Variants in DNAJC11 observed in about 807,000 individuals in gnomAD.
The protein encoded by DNAJC11 is dnaJ homolog subfamily C member 11.
A neutral mutation model predicts 78.6 loss-of-function variants in DNAJC11; 15 were observed. That is an observed-to-expected ratio of 0.19 (90% CI 0.13 to 0.29). The LOEUF is 0.29. DNAJC11 is among the 10% of genes least tolerant of loss of function. The probability of loss-of-function intolerance (pLI) is 1.00; values close to 1 mark genes in which losing one functional copy is unlikely to be tolerated. For synonymous variants in DNAJC11, 292 were observed against 272.1 expected, an observed-to-expected ratio of 1.07 and a Z score of -0.72; for missense variants, 547 against 709.6, an observed-to-expected ratio of 0.77 and a Z score of 2.60.
In DNAJC11 at chr1:6,691,249, T is replaced by C. The variant is rs543602111; in HGVS notation, c.73-10212A>G. 2.8e-5 allele frequency among the ~76,000 whole-genome samples: 4 copies of C among 143,132 alleles called. No individual in the cohort carries two copies. In the East Asian group the frequency reaches 6.3e-4, roughly 22 times the overall value. The allele number at this position is 143,132 out of a possible 152,430, so 93.9% of individuals were successfully genotyped here. On this transcript the variant is annotated intron_variant, in intron 1 of 15. Transcript: ENST00000377577. ...TAAGGTTTACGGGGCAGAGAAGGAA[T>C]CAGGTCTTGCAGCACACATCTCGGC... is the stretch of plus-strand genomic sequence containing the variant.
At chr1:6,664,343 C>T (rs1333668309) in intron 4 of DNAJC11, among the ~76,000 whole-genome samples, 2 of 151,870 alleles carry the variant, frequency 1.3e-5, no homozygotes, top group East Asian at 3.9e-4. Flanking sequence ...GGGTTCACGC[C>T]ATTCTCCTAC....
chr1:6,637,925 A>G, intron 12 of DNAJC11: 1 of 386,544 alleles, frequency 2.6e-6, no homozygotes, highest in Non-Finnish European at 4.7e-6. Context: ...TGCTGGGCAT[A>G]GCTGTGCCGC....
intron 1 of DNAJC11, among the ~76,000 whole-genome samples, chr1:6,694,316 T>G (rs1000714584): frequency 6.6e-6 from 1 of 152,152 alleles, no homozygotes; most frequent in Non-Finnish European, 1.5e-5. Flanking sequence ...GACAGTGGAT[T>G]TGCAGACCAA....
chr1:6,663,189 C>T (rs530257094), intron 4 of DNAJC11, among the ~76,000 whole-genome samples: 52 of 152,182 alleles, frequency 3.4e-4, no homozygotes, highest in African/African-American at 1.2e-3. Context: ...TCTGTAATAG[C>T]AAAAATGGCC....
At chr1:6,636,076 C>T (rs771886073) in intron 15 of DNAJC11, 41 bp downstream of exon 15, 15 of 1,589,640 alleles carry the variant, frequency 9.4e-6, no homozygotes, top group South Asian at 9.1e-5. Flanking sequence ...TCGAGGTCCC[C>T]GCCCCCGTTA....
At chr1:6,670,394 A>G (rs961862795) in intron 3 of DNAJC11, 2 of 152,044 alleles carry the variant, frequency 1.3e-5, no homozygotes, top group African/African-American at 4.8e-5. Context: ...TTATGTACCT[A>G]CGTATGTGCG....
At chr1:6,642,340 G>C (rs998507272) in intron 10 of DNAJC11, among the ~76,000 whole-genome samples, 1 of 152,238 alleles carries the variant, frequency 6.6e-6, no homozygotes, top group African/African-American at 2.4e-5. Context: ...GACAGGTTCC[G>C]TGGGGAGGGT....
At chr1:6,655,380 G>A (rs6577585) in intron 4 of DNAJC11, among the ~76,000 whole-genome samples, 54,208 of 152,066 alleles carry the variant, frequency 0.36, 9,990 homozygotes, top group African/African-American at 0.42. Context: ...GCATAATTGT[G>A]TCAAAACAAG....
chr1:6,637,470 A>G lies in DNAJC11; in HGVS notation c.1358T>C (p.Ile453Thr), dbSNP rs200927563. ...RLMQESVRRI[I>T]EAEESRMGLI... ...ACCCATTCTGGACTCTTCTGCCTCA[A>G]TTATCCTTCGGACAGATTCCTGCAT... The change falls in exon 13 of 16, where the codon ATT (isoleucine) becomes ACT (threonine). Residue 453 changes from isoleucine (I) to threonine (T), a missense_variant. Physicochemically the swap from Ile to Thr is moderately conservative, Grantham distance 89 (BLOSUM62 -1). Coordinates refer to ENST00000377577, the MANE Select transcript of DNAJC11 (RefSeq NM_018198.4). 2.6e-4 allele frequency: 418 copies of G among 1,614,192 alleles called. 1 individual carries two copies. Among genetic ancestry groups the G allele is most frequent in the Admixed American group, 1.1e-3 (69 of 60,024 alleles).
At chr1:6,644,410 A>T in intron 10 of DNAJC11, 148 bp downstream of exon 10, 1 of 661,938 alleles carries the variant, frequency 1.5e-6, no homozygotes, top group Non-Finnish European at 2.7e-6. Context: ...CTGGGATTAC[A>T]GGCATAAGCC....
rs777156643 is a variant in DNAJC11 at position 6,635,636 on chromosome 1, GATT to G, written c.*36_*38del. On this transcript the variant is annotated 3_prime_UTR_variant, in exon 16 of 16. Transcript: ENST00000377577. ...CCAAATTTGTAGACTCCCAGGAAAA[GATT>G]TTTTGCGGCCTTTTAAAAATCTGGT... 6.2e-7 allele frequency: 1 copy of G among 1,611,708 alleles called. No homozygotes were observed. The highest frequency in any genetic ancestry group is 8.5e-7 in the Non-Finnish European group (1 of 1,178,732).
chr1:6,691,964 A>G (rs1642753120), intron 1 of DNAJC11, among the ~76,000 whole-genome samples: 1 of 152,144 alleles, frequency 6.6e-6, no homozygotes, highest in Admixed American at 6.5e-5. Flanking sequence ...CAAAGGTGTA[A>G]GTAAGTAAAA....
At chr1:6,686,936 A>G in intron 1 of DNAJC11, among the ~76,000 whole-genome samples, 1 of 152,192 alleles carries the variant, frequency 6.6e-6, no homozygotes, top group Admixed American at 6.5e-5. Flanking sequence ...TCCACAAACT[A>G]TATTCTACTG....
At chr1:6,673,453 TGAGGAGGGTTAAGC>T (rs983833805) in intron 3 of DNAJC11, among the ~76,000 whole-genome samples, 11 of 152,108 alleles carry the variant, frequency 7.2e-5, no homozygotes, top group African/African-American at 2.4e-4. Flanking sequence ...TGCTATAAAA[TGAGGAGGGTTAAGC>T]GACATCATTT....
At chr1:6,640,154 G>A in intron 10 of DNAJC11, 97 bp from the exon 11 acceptor site, 1 of 1,379,998 alleles carries the variant, frequency 7.2e-7, no homozygotes. Flanking sequence ...GAGAACTTGT[G>A]CTGCGTGCAG....
At chr1:6,658,580 G>A (rs1163921277) in intron 4 of DNAJC11, among the ~76,000 whole-genome samples, 1 of 151,864 alleles carries the variant, frequency 6.6e-6, no homozygotes, top group Non-Finnish European at 1.5e-5. Flanking sequence ...GAGCGGCAGG[G>A]CTTTTCTTTA....
At chr1:6,673,607 G>C (rs1642415562) in intron 3 of DNAJC11, among the ~76,000 whole-genome samples, 2 of 152,150 alleles carry the variant, frequency 1.3e-5, no homozygotes, top group Non-Finnish European at 2.9e-5. Context: ...CCCAATGTTA[G>C]CACCTTTTAT....
intron 7 of DNAJC11, among the ~76,000 whole-genome samples, chr1:6,648,522 T>A (rs1190457448): frequency 1.3e-5 from 2 of 152,098 alleles, no homozygotes; most frequent in Non-Finnish European, 2.9e-5. Flanking sequence ...AGTGGTGTCA[T>A]CATGGCTCAC....
chr1:6,672,218 C>T (rs1405395179), intron 3 of DNAJC11, among the ~76,000 whole-genome samples: 2 of 152,100 alleles, frequency 1.3e-5, no homozygotes, highest in African/African-American at 2.4e-5. Flanking sequence ...GTTTGATTCG[C>T]CATAACTTTA....
Sources: allele counts gnomAD v4.1 joint callset (sites outside exome capture counted in the v4.1 genomes callset), GRCh38; gene constraint gnomAD v4.1.1; transcripts MANE v1.5; gene names NCBI Gene and HGNC (gene_info 2026-07-23, HGNC 2026-07-21).